Variants in CYP2C8 observed in about 807,000 individuals in gnomAD.
CYP2C8 encodes the protein cytochrome P450 family 2 subfamily C member 8.
In CYP2C8, 51 loss-of-function variants were observed where a neutral mutation model predicts 41.3. The ratio of observed to expected loss-of-function variants is 1.24; its 90% confidence interval spans 0.99 to 1.56. CYP2C8 has a LOEUF of 1.56. Ranked by LOEUF, CYP2C8 falls within the 40% of genes most tolerant of loss-of-function variation. The pLI is 0.00. For missense variants in CYP2C8, 651 were observed against 579.9 expected (o/e 1.12, Z -1.26); for synonymous variants, 218 against 205.8 (o/e 1.06, Z -0.51).
intron 1 of CYP2C8, among the ~76,000 whole-genome samples, chr10:95,068,173 A>G (rs556175891): frequency 6.6e-6 from 1 of 152,338 alleles, no homozygotes; most frequent in African/African-American, 2.4e-5. Flanking sequence ...GGATTCTGAT[A>G]CAGCAGTCCT....
intron 4 of CYP2C8, among the ~76,000 whole-genome samples, 172 bp downstream of exon 4, chr10:95,064,628 T>C (rs568317694): frequency 6.6e-6 from 1 of 152,284 alleles, no homozygotes; most frequent in East Asian, 1.9e-4. Flanking sequence ...TACCTAAAGA[T>C]TGGAGGCTGA....
intron 3 of CYP2C8, 118 bp downstream of exon 3, chr10:95,067,090 G>A (rs1030167912): frequency 7.1e-7 from 1 of 1,405,628 alleles, no homozygotes; most frequent in Non-Finnish European, 1.0e-6. Flanking sequence ...TCCACCACCT[G>A]AGGGCTGACA....
chr10:95,045,407 A>T (rs1479636193), intron 6 of CYP2C8, among the ~76,000 whole-genome samples: 2 of 152,220 alleles, frequency 1.3e-5, no homozygotes, highest in Non-Finnish European at 2.9e-5. Flanking sequence ...GCTTCAATAA[A>T]GATTGTTTTC....
intron 6 of CYP2C8, 94 bp downstream of exon 6, chr10:95,045,716 T>C: frequency 2.0e-6 from 3 of 1,472,548 alleles, no homozygotes; most frequent in Non-Finnish European, 2.8e-6. Context: ...ATTTAAAGAA[T>C]GAGCCTTCTC....
intron 5 of CYP2C8, among the ~76,000 whole-genome samples, chr10:95,056,795 G>A (rs1307574303): frequency 6.6e-6 from 1 of 151,238 alleles, no homozygotes; most frequent in African/African-American, 2.4e-5. Flanking sequence ...TGATAAAAAA[G>A]TTTTGAAAGT....
At chr10:95,055,482 G>A (rs1206942955) in intron 5 of CYP2C8, among the ~76,000 whole-genome samples, 3 of 152,154 alleles carry the variant, frequency 2.0e-5, no homozygotes, top group Non-Finnish European at 2.9e-5. Flanking sequence ...ATAACTGAAA[G>A]TGAACGAAAA....
chr10:95,059,381 T>C (rs891458213), intron 4 of CYP2C8, among the ~76,000 whole-genome samples: 1 of 152,166 alleles, frequency 6.6e-6, no homozygotes, highest in African/African-American at 2.4e-5. Context: ...GATTTGCATT[T>C]CTCTGATGGC....
At chr10:95,066,141 AGAGAGAGAGAGAGTGTGTGT>A (rs2033558266) in intron 3 of CYP2C8, among the ~76,000 whole-genome samples, 1 of 111,264 alleles carries the variant, frequency 9.0e-6, no homozygotes, top group East Asian at 2.5e-4. Context: ...AGAGAGAGAG[AGAGAGAGAGAGAGTGTGTGT>A]GTGTGTGTGT....
chr10:95,045,679 A>T, intron 6 of CYP2C8, 131 bp downstream of exon 6: 2 of 1,107,172 alleles, frequency 1.8e-6, no homozygotes, highest in Non-Finnish European at 2.7e-6. Context: ...CATCAAATTT[A>T]GACAGATTAC....
chr10:95,044,846 G>C (rs924777263), intron 6 of CYP2C8, among the ~76,000 whole-genome samples: 2 of 152,140 alleles, frequency 1.3e-5, no homozygotes, highest in South Asian at 2.1e-4. Context: ...TGAACCTTAT[G>C]AGAATCACAG....
At chr10:95,048,142 T>C (rs2033144262) in intron 5 of CYP2C8, among the ~76,000 whole-genome samples, 2 of 152,212 alleles carry the variant, frequency 1.3e-5, no homozygotes, top group African/African-American at 4.8e-5. Flanking sequence ...TTGTGAGTTG[T>C]AGATTCTTTC....
chr10:95,056,801 A>T (rs1412921380), intron 5 of CYP2C8, among the ~76,000 whole-genome samples: 1 of 151,060 alleles, frequency 6.6e-6, no homozygotes, highest in Non-Finnish European at 1.5e-5. Context: ...AAAAGTTTTG[A>T]AAGTAGAGAG....
At position 95,063,459 on chromosome 10, in the gene CYP2C8, G is replaced by A. The variant is rs149106367; in HGVS notation, c.642+1341C>T. ...CTACTGAAGCTTGTGCATGTGTCAC[G>A]TAGTTCTCCTGCCATGGTTTTCAGC... On this transcript the variant is annotated intron_variant, in intron 4 of 8. Transcript: ENST00000371270. Among the ~76,000 whole-genome samples, 554 of 152,246 alleles carry A rather than the reference G, an allele frequency of 3.6e-3. 2 individuals are homozygous for A. Among genetic ancestry groups the A allele is most frequent in the African/African-American group, 0.013 (530 of 41,538 alleles).
chr10:95,039,131 T>C (rs972856465), intron 7 of CYP2C8, 93 bp from the exon 8 acceptor site: 3 of 1,197,740 alleles, frequency 2.5e-6, no homozygotes, highest in African/African-American at 1.5e-5. Context: ...CGTTGATCTA[T>C]AGATGAGGAA....
intron 6 of CYP2C8, among the ~76,000 whole-genome samples, chr10:95,043,869 C>CAT (rs2033057647): frequency 2.2e-5 from 3 of 139,240 alleles, no homozygotes; most frequent in Admixed American, 6.9e-5. Context: ...CAGAAGCACA[C>CAT]ACACACACAC....
In CYP2C8 at chr10:95,067,299, G is replaced by C; in HGVS notation, c.390C>G (p.Thr130=). 1.9e-6 allele frequency: 3 copies of C among 1,614,142 alleles called. No individual in the cohort carries two copies. ...TCTTCCCCATCCCAAAATTCCGCAA[G>C]GTTGTGAGGGAGAAACGCCGGATCT... is the stretch of plus-strand genomic sequence containing the variant. The part of the protein sequence containing the change: ...WKEIRRFSLT[T]LRNFGMGKRS... The change falls in exon 3 of 9, where the codon ACC becomes ACG. Residue 130 remains threonine (T), a synonymous_variant. Transcript: ENST00000371270.
At chr10:95,059,464 C>A (rs1416372102) in intron 4 of CYP2C8, among the ~76,000 whole-genome samples, 2 of 151,930 alleles carry the variant, frequency 1.3e-5, no homozygotes, top group African/African-American at 4.8e-5. Context: ...CTGTTCGTAT[C>A]CTTTGCCCAC....
At chr10:95,042,753 T>A (rs569528471) in intron 7 of CYP2C8, 137 bp downstream of exon 7, 2 of 765,754 alleles carry the variant, frequency 2.6e-6, no homozygotes, top group Non-Finnish European at 4.7e-6. Flanking sequence ...CCAAACAAAA[T>A]AGCAGAAAGT....
chr10:95,057,777 A>G (rs1156833446), intron 5 of CYP2C8, among the ~76,000 whole-genome samples: 3 of 152,128 alleles, frequency 2.0e-5, no homozygotes, highest in African/African-American at 7.2e-5. Context: ...ATAAACATCA[A>G]CCTCCAACTC....
Sources: gnomAD v4.1 joint callset for allele counts (sites outside exome capture counted in the v4.1 genomes callset) on GRCh38, gnomAD v4.1.1 for gene constraint, MANE v1.5 for transcripts, NCBI Gene and HGNC (gene_info 2026-07-23, HGNC 2026-07-21) for gene names.